RFX2: variants seen among roughly 807,000 people sequenced by gnomAD.
The protein encoded by RFX2 is DNA-binding protein RFX2.
In RFX2, 20 loss-of-function variants were observed where a neutral mutation model predicts 87.8. That is an observed-to-expected ratio of 0.23 (90% CI 0.16 to 0.33). The LOEUF (loss-of-function observed/expected upper bound fraction) is 0.33, where lower values mean the gene tolerates loss of function less well. RFX2 is among the 10% of genes least tolerant of loss of function. RFX2 has a pLI of 1.00. For missense variants in RFX2, 767 were observed against 1,012.3 expected, an observed-to-expected ratio of 0.76 and a Z score of 3.29; for synonymous variants, 397 against 431.3, an observed-to-expected ratio of 0.92 and a Z score of 0.98.
At chr19:5,996,842 T>A (rs2086419345) in intron 16 of RFX2, among the ~76,000 whole-genome samples, 1 of 152,226 alleles carries the variant, frequency 6.6e-6, no homozygotes, top group Non-Finnish European at 1.5e-5. Flanking sequence ...TCCTTCCCAG[T>A]GCTGATAAAA....
At position 6,007,871 on chromosome 19, in the gene RFX2, G is replaced by A. The variant is rs1278419126; in HGVS notation, c.1135-69C>T. The A allele has an allele frequency of 9.1e-7, 1 of 1,097,090 alleles. No individual in the cohort carries two copies. The highest frequency in any genetic ancestry group is 1.6e-5 in the African/African-American group (1 of 64,366). 68.0% of individuals were successfully genotyped at this position (1,097,090 alleles called of 1,614,324 possible). A position where few individuals can be genotyped will look rare whatever the true frequency, so the allele number is the denominator to read the frequency against. ...ATCACGTGCACTCAGCACACGTCAAGTGAGCAGCCGTGATCCGGGCTACAG... is the reference window on the plus strand; with the variant it reads ...ATCACGTGCACTCAGCACACGTCAAATGAGCAGCCGTGATCCGGGCTACAG... On this transcript the variant is annotated intron_variant, in intron 10 of 17. Transcript: ENST00000303657. This position sits in a 1 kb window ranked among gnomAD's most constrained non-coding sequence, Gnocchi z 8.2.
rs1248047760 is a variant in RFX2 at position 6,007,760 on chromosome 19, C to T, written c.1177G>A (p.Glu393Lys). ...VVMNLQFHYIEKLWLSFWNSK... is the reference protein window; with the variant it reads ...VVMNLQFHYIKKLWLSFWNSK... Reference sequence around the variant, plus strand: ...TTCCAGAAGGAGAGCCACAGCTTCTCGATGTAGTGGAACTGGAGGTTCATC... The same window carrying T: ...TTCCAGAAGGAGAGCCACAGCTTCTTGATGTAGTGGAACTGGAGGTTCATC... The change falls in exon 11 of 18, where the codon GAG becomes AAG. Residue 393 changes from glutamate (E) to lysine (K), a missense_variant. This residue lies in a region of RFX2 where 621 missense variants were observed against 873.0 expected (regional missense o/e 0.71). Transcript: ENST00000303657. The surrounding 1 kb of genome is among the most constrained non-coding windows in gnomAD (Gnocchi z 8.2). 19 of 1,555,288 alleles carry T rather than the reference C, an allele frequency of 1.2e-5. No homozygotes were observed. The highest frequency in any genetic ancestry group is 1.7e-4 in the Middle Eastern group (1 of 6,022).
intron 13 of RFX2, among the ~76,000 whole-genome samples, chr19:6,003,778 C>CA (rs57470328): frequency 0.025 from 1,048 of 41,918 alleles, 132 homozygotes; most frequent in Middle Eastern, 0.058. Flanking sequence ...GACTCTGTCT[C>CA]AAAAAAAAAA....
chr19:6,097,712 AGCTGGGACTACAAGTGT>A (rs2144897461), intron 1 of RFX2, among the ~76,000 whole-genome samples: 1 of 152,198 alleles, frequency 6.6e-6, no homozygotes, highest in East Asian at 1.9e-4. Context: ...CCTCCTGAGT[AGCTGGGACTACAAGTGT>A]GCACCACCAG....
intron 1 of RFX2, among the ~76,000 whole-genome samples, chr19:6,098,779 GGA>G (rs1485444481): frequency 3.3e-5 from 5 of 152,072 alleles, no homozygotes; most frequent in African/African-American, 9.7e-5. Context: ...ACAAAGCTGG[GGA>G]AATAGATCTT....
rs10406048 is a variant in RFX2, at chr19:6,087,991, C to T, written c.-9+22402G>A. Among the ~76,000 whole-genome samples the T allele has an allele frequency of 6.2e-3, 946 of 152,222 alleles. 11 individuals are homozygous for T. Among genetic ancestry groups the T allele is most frequent in the African/African-American group, 0.022 (896 of 41,518 alleles). Reference sequence around the variant, plus strand: ...TCCTGGCTGCCATAAGCTGCACACCCACTTCCAGAACTGGCTTAACCCGCC... The same window carrying T: ...TCCTGGCTGCCATAAGCTGCACACCTACTTCCAGAACTGGCTTAACCCGCC... On this transcript the variant is annotated intron_variant, in intron 1 of 17. Transcript: ENST00000303657.
In RFX2 at chr19:6,024,710, AATCACAGTGAGGACGGGAGTGAGGACGGG is replaced by A; in HGVS notation, c.597+1424_597+1452del. On this transcript the variant is annotated intron_variant, in intron 6 of 17. Transcript: ENST00000303657. This position sits in a 1 kb window ranked among gnomAD's most constrained non-coding sequence, Gnocchi z 5.0. The stretch of plus-strand genomic sequence containing the variant: ...TCGGCCAGCACAGAAGTCAGGATGG[AATCACAGTGAGGACGGGAGTGAGGACGGG>A]ATCACGGTGAGGACGGGAGTGAGGA... 8.6e-5 allele frequency among the ~76,000 whole-genome samples: 13 copies of A among 151,618 alleles called. No individual in the cohort carries two copies. Among genetic ancestry groups the A allele is most frequent in the Middle Eastern group, 3.4e-3 (1 of 294 alleles).
chr19:6,051,816 C>T (rs933615396), intron 1 of RFX2, among the ~76,000 whole-genome samples: 11 of 152,166 alleles, frequency 7.2e-5, no homozygotes, highest in Admixed American at 2.0e-4. Flanking sequence ...AATAAAGGCA[C>T]ACATAGGTTG....
At chr19:6,073,311 G>C (rs2087636336) in intron 1 of RFX2, 3 of 1,208,258 alleles carry the variant, frequency 2.5e-6, no homozygotes, top group Non-Finnish European at 3.6e-6. Context: ...CACTGGTCAT[G>C]GGAGCAACAA....
chr19:6,009,073 A>C (rs2086626943), intron 9 of RFX2, among the ~76,000 whole-genome samples: 1 of 152,118 alleles, frequency 6.6e-6, no homozygotes, highest in Non-Finnish European at 1.5e-5. Context: ...GACACAGAGA[A>C]AGCCCTGAGC....
intron 1 of RFX2, among the ~76,000 whole-genome samples, chr19:6,068,950 G>A (rs1356064862): frequency 6.6e-6 from 1 of 152,108 alleles, no homozygotes; most frequent in Non-Finnish European, 1.5e-5. Flanking sequence ...GAGCCATGGA[G>A]GGGCAAAGCC....
At chr19:6,091,325 T>C (rs899769683) in intron 1 of RFX2, among the ~76,000 whole-genome samples, 2 of 151,748 alleles carry the variant, frequency 1.3e-5, no homozygotes, top group African/African-American at 4.8e-5. Context: ...ACCTTGTCTC[T>C]ACAAAAAATT....
intron 5 of RFX2, among the ~76,000 whole-genome samples, chr19:6,036,371 G>A (rs1281568708): frequency 6.6e-6 from 1 of 152,092 alleles, no homozygotes; most frequent in Non-Finnish European, 1.5e-5. Context: ...GAGGCATGGG[G>A]CACTACGCCT....
intron 1 of RFX2, among the ~76,000 whole-genome samples, chr19:6,080,308 C>T (rs975820216): frequency 3.9e-5 from 6 of 151,908 alleles, no homozygotes; most frequent in South Asian, 4.2e-4. Context: ...AGGCTGGTTT[C>T]GAACTTTCAG....
chr19:5,999,086 T>A lies in RFX2; in HGVS notation c.1860-1873A>T, dbSNP rs1404147171. Among the ~76,000 whole-genome samples the A allele has an allele frequency of 6.6e-6, 1 of 151,800 alleles. No individual in the cohort carries two copies. Among genetic ancestry groups the A allele is most frequent in the Non-Finnish European group, 1.5e-5 (1 of 67,958 alleles). Reference sequence around the variant, plus strand: ...GCCCGGCCAACATGGCAAAACCCCGTCTCTACTAAAAATACAAAAATCAGC... The same window carrying A: ...GCCCGGCCAACATGGCAAAACCCCGACTCTACTAAAAATACAAAAATCAGC... On this transcript the variant is annotated intron_variant, in intron 15 of 17. Transcript: ENST00000303657. The surrounding 1 kb of genome is among the most constrained non-coding windows in gnomAD (Gnocchi z 4.1).
intron 1 of RFX2, among the ~76,000 whole-genome samples, chr19:6,084,929 G>A (rs767100560): frequency 1.3e-4 from 20 of 152,268 alleles, no homozygotes; most frequent in African/African-American, 4.1e-4. Flanking sequence ...GAGCCACTGC[G>A]CCCGGCTGGA....
At chr19:6,104,498 G>A (rs1481400602) in intron 1 of RFX2, among the ~76,000 whole-genome samples, 1 of 151,814 alleles carries the variant, frequency 6.6e-6, no homozygotes, top group Non-Finnish European at 1.5e-5. Flanking sequence ...GAACCTGGGA[G>A]GTGGAGCTTG....
chr19:6,064,674 C>T lies in RFX2; in HGVS notation c.-8-17170G>A, dbSNP rs2087484966. 6.6e-6 allele frequency among the ~76,000 whole-genome samples: 1 copy of T among 152,226 alleles called. No individual in the cohort carries two copies. The highest frequency in any genetic ancestry group is 1.5e-5 in the Non-Finnish European group (1 of 68,046). ...TGTGACCCTTCCTCCTGACAGCCATCTCTAGAGACAGCCAGTGAGGGCAGG... is the reference window on the plus strand; with the variant it reads ...TGTGACCCTTCCTCCTGACAGCCATTTCTAGAGACAGCCAGTGAGGGCAGG... On this transcript the variant is annotated intron_variant, in intron 1 of 17. Transcript: ENST00000303657. This position sits in a 1 kb window ranked among gnomAD's most constrained non-coding sequence, Gnocchi z 4.8.
At position 6,039,623 on chromosome 19, in the gene RFX2, G is replaced by C. The variant is rs1207869610; in HGVS notation, c.522+357C>G. On this transcript the variant is annotated intron_variant, in intron 5 of 17. Coordinates refer to ENST00000303657, the MANE Select transcript of RFX2 (RefSeq NM_000635.4). This position sits in a 1 kb window ranked among gnomAD's most constrained non-coding sequence, Gnocchi z 5.2. ...AGTCCAGGTGTCTCATGGATGGATT[G>C]ATCCACGCCTCTAAAAGCTTGATAG... is the stretch of plus-strand genomic sequence containing the variant. 1.3e-5 allele frequency among the ~76,000 whole-genome samples: 2 copies of C among 152,224 alleles called. No individual in the cohort carries two copies. Among genetic ancestry groups the C allele is most frequent in the African/African-American group, 4.8e-5 (2 of 41,456 alleles).
Sources: allele counts gnomAD v4.1 joint callset (sites outside exome capture counted in the v4.1 genomes callset), GRCh38; gene constraint gnomAD v4.1.1; regional missense constraint gnomAD v4.1.1; non-coding constraint Gnocchi (gnomAD v3.1); transcripts MANE v1.5; gene names NCBI Gene and HGNC (gene_info 2026-07-23, HGNC 2026-07-21).